The following THSD4 variants were observed in gnomAD, a reference collection of about 807,000 sequenced individuals.
THSD4 encodes thrombospondin type 1 domain containing 4.
A neutral mutation model predicts 119.0 loss-of-function variants in THSD4; 69 were observed. The ratio of observed to expected loss-of-function variants is 0.58; its 90% CI spans 0.48 to 0.71. The LOEUF is 0.71. Among genes scored for constraint, THSD4 ranks in the 30% least tolerant of loss-of-function variants. THSD4 has a pLI of 0.00. For synonymous variants in THSD4, 524 were observed against 540.4 expected (o/e 0.97, Z 0.42); for missense variants, 1,393 against 1,391.1 (o/e 1.00, Z -0.02).
chr15:71,215,070 G>GGACGACGGC lies in THSD4; in HGVS notation c.137_145dup (p.Asp46_Gly48dup), dbSNP rs2140250054. The GGACGACGGC allele has an allele frequency of 3.8e-6, 5 of 1,299,966 alleles. No homozygotes were observed. The highest frequency in any genetic ancestry group is 1.6e-5 in the African/African-American group (1 of 64,450). 80.5% of individuals were successfully genotyped at this position (1,299,966 alleles called of 1,614,324 possible). A position where few individuals can be genotyped will look rare whatever the true frequency, so the allele number is the denominator to read the frequency against. On this transcript the variant is annotated inframe_insertion, in exon 4 of 18. Transcript: ENST00000261862. ...GGATGGCGGCGGAGGGCGCCCCCGA[G>GGACGACGGC]GACGACGGCGGCGGCGGCGCCCCGG...
chr15:71,132,750 T>C (rs990870561), intron 1 of THSD4, among the ~76,000 whole-genome samples: 3 of 152,238 alleles, frequency 2.0e-5, no homozygotes, highest in Non-Finnish European at 4.4e-5. Flanking sequence ...CTGTGTTTAT[T>C]CTTTTAGTGT....
intron 17 of THSD4, 62 bp downstream of exon 17, chr15:71,771,270 G>T (rs531615638): frequency 1.9e-6 from 3 of 1,590,956 alleles, no homozygotes; most frequent in African/African-American, 2.7e-5. Flanking sequence ...CAGATTCTCC[G>T]GTGTGACAAT....
At chr15:71,552,644 A>G (rs868762051) in intron 7 of THSD4, among the ~76,000 whole-genome samples, 6 of 152,208 alleles carry the variant, frequency 3.9e-5, no homozygotes, top group Middle Eastern at 6.8e-3. Flanking sequence ...TTCTCATTTA[A>G]ATGTTTTTGT....
intron 8 of THSD4, among the ~76,000 whole-genome samples, chr15:71,716,685 C>T (rs949366868): frequency 6.6e-6 from 1 of 151,776 alleles, no homozygotes; most frequent in Non-Finnish European, 1.5e-5. Flanking sequence ...GTTATCCTGC[C>T]CAGCCACGGT....
At chr15:71,448,523 G>A (rs1215645866) in intron 7 of THSD4, among the ~76,000 whole-genome samples, 2 of 152,148 alleles carry the variant, frequency 1.3e-5, no homozygotes, top group African/African-American at 4.8e-5. Context: ...TGCCTAGTAT[G>A]GAGTCATGTA....
At chr15:71,249,306 C>T (rs2044236125) in intron 5 of THSD4, among the ~76,000 whole-genome samples, 1 of 151,460 alleles carries the variant, frequency 6.6e-6, no homozygotes, top group Admixed American at 6.6e-5. Context: ...AAGTTGTTCT[C>T]TTATTGACTT....
At chr15:71,654,188 A>G (rs2051145060) in intron 7 of THSD4, among the ~76,000 whole-genome samples, 2 of 152,212 alleles carry the variant, frequency 1.3e-5, no homozygotes, top group African/African-American at 4.8e-5. Flanking sequence ...GATTTGGCCT[A>G]CTAGCTACAG....
intron 6 of THSD4, among the ~76,000 whole-genome samples, chr15:71,349,973 A>G (rs1246072773): frequency 1.3e-5 from 2 of 152,116 alleles, no homozygotes; most frequent in African/African-American, 2.4e-5. Context: ...TTTTAACGTA[A>G]TGCAAATCGG....
intron 7 of THSD4, among the ~76,000 whole-genome samples, chr15:71,580,592 T>G (rs1210614305): frequency 6.6e-6 from 1 of 152,164 alleles, no homozygotes; most frequent in Admixed American, 6.5e-5. Flanking sequence ...ATTTATCTTG[T>G]GTAACTGAAA....
chr15:71,780,772 T>A lies in THSD4; in HGVS notation c.*3398T>A. 2.2e-6 allele frequency: 1 copy of A among 455,834 alleles called. No homozygotes were observed. 28.2% of individuals were successfully genotyped at this position (455,834 alleles called of 1,614,324 possible). The stretch of plus-strand genomic sequence containing the variant: ...CTTGGAGGGTTTTTTCTTTATTTTC[T>A]TATGTACTCATCTACTTATTCTCAA... On this transcript the variant is annotated 3_prime_UTR_variant, in exon 18 of 18. Transcript: ENST00000261862.
In THSD4 at chr15:71,543,868, A is replaced by G. The variant is rs145888640; in HGVS notation, c.1153-116662A>G. ...CATGGAGAAACCCTGTCTCTACTAA[A>G]AAATACAAAATTAGCCAGGCATGGT... On this transcript the variant is annotated intron_variant, in intron 7 of 17. Transcript: ENST00000261862. Among the ~76,000 whole-genome samples, 10 of 152,238 alleles carry G rather than the reference A, an allele frequency of 6.6e-5. No individual in the cohort carries two copies. In the East Asian group the frequency reaches 1.9e-3, roughly 29 times the overall value.
chr15:71,682,746 G>A (rs985220617), intron 8 of THSD4, among the ~76,000 whole-genome samples: 11 of 151,776 alleles, frequency 7.2e-5, no homozygotes, highest in Admixed American at 2.6e-4. Context: ...ACCATTTATT[G>A]TATTCCATTT....
At chr15:71,302,827 G>T (rs1274643681) in intron 6 of THSD4, among the ~76,000 whole-genome samples, 1 of 151,852 alleles carries the variant, frequency 6.6e-6, no homozygotes, top group Non-Finnish European at 1.5e-5. Flanking sequence ...CAACACCATG[G>T]CCCCCAAGAT....
At chr15:71,413,969 TTCC>T (rs2046723913) in intron 7 of THSD4, among the ~76,000 whole-genome samples, 1 of 152,260 alleles carries the variant, frequency 6.6e-6, no homozygotes, top group Admixed American at 6.5e-5. Flanking sequence ...ATCTTTCAGA[TTCC>T]AAAGCAACTG....
chr15:71,677,099 C>A (rs1234639548), intron 8 of THSD4, among the ~76,000 whole-genome samples: 23 of 152,216 alleles, frequency 1.5e-4, no homozygotes, highest in Admixed American at 1.5e-3. Context: ...CTCGCCAACA[C>A]TTCAAGTGTG....
chr15:71,725,750 A>G (rs984381704), intron 8 of THSD4, among the ~76,000 whole-genome samples: 1 of 152,044 alleles, frequency 6.6e-6, no homozygotes, highest in African/African-American at 2.4e-5. Context: ...CAGATTGGAG[A>G]TGGTTGAGGA....
intron 7 of THSD4, among the ~76,000 whole-genome samples, chr15:71,515,571 T>C (rs999646804): frequency 6.6e-6 from 1 of 152,178 alleles, no homozygotes; most frequent in African/African-American, 2.4e-5. Flanking sequence ...CTCTACATTG[T>C]CTTTAGTTAT....
chr15:71,474,838 A>G (rs2047634503), intron 7 of THSD4, among the ~76,000 whole-genome samples: 1 of 152,146 alleles, frequency 6.6e-6, no homozygotes. Flanking sequence ...GGATTCTAGC[A>G]ATCTCTCTCT....
At chr15:71,753,864 A>G (rs999995222) in intron 14 of THSD4, among the ~76,000 whole-genome samples, 2 of 152,202 alleles carry the variant, frequency 1.3e-5, no homozygotes, top group Non-Finnish European at 2.9e-5. Context: ...GGCCTCATCC[A>G]TGTGATGTCC....
Sources: allele counts gnomAD v4.1 joint callset (sites outside exome capture counted in the v4.1 genomes callset), GRCh38; gene constraint gnomAD v4.1.1; transcripts MANE v1.5; gene names NCBI Gene and HGNC (gene_info 2026-07-23, HGNC 2026-07-21).